The following CHMP3 variants were observed in gnomAD, a reference collection of about 807,000 sequenced individuals.
CHMP3 encodes charged multivesicular body protein 3.
A neutral mutation model predicts 27.4 loss-of-function variants in CHMP3; 8 were observed. That is an observed-to-expected ratio of 0.29 (90% CI 0.17 to 0.53). The LOEUF is 0.53. Ranked by LOEUF, CHMP3 falls within the 20% of genes least tolerant of loss-of-function variation. The pLI is 0.96. For missense variants in CHMP3, 208 were observed against 271.5 expected (o/e 0.77, Z 1.64); for synonymous variants, 86 against 85.5 (o/e 1.01, Z -0.03).
At chr2:86,557,665 TC>T (rs532498208) in intron 1 of CHMP3, among the ~76,000 whole-genome samples, 3 of 152,312 alleles carry the variant, frequency 2.0e-5, no homozygotes, top group South Asian at 2.1e-4. Context: ...CATATTCAGT[TC>T]ACTTTGCTAG....
chr2:86,562,018 T>A (rs1302121246), intron 1 of CHMP3: 1 of 152,232 alleles, frequency 6.6e-6, no homozygotes, highest in African/African-American at 2.4e-5. Context: ...ATCTATATAA[T>A]GTTCTATAGT....
intron 1 of CHMP3, among the ~76,000 whole-genome samples, chr2:86,554,814 C>CGTGTGTGT (rs769149856): frequency 0.31 from 42,828 of 137,396 alleles, 7,770 homozygotes; most frequent in East Asian, 0.55. Context: ...TGTGTGTGCG[C>CGTGTGTGT]GCGTGTGTGT....
chr2:86,549,768 T>C (rs1218666266), intron 1 of CHMP3, among the ~76,000 whole-genome samples: 1 of 144,740 alleles, frequency 6.9e-6, no homozygotes, highest in African/African-American at 2.6e-5. Flanking sequence ...GCAGAGGCGC[T>C]CCTCGCCTCC....
In CHMP3 at chr2:86,504,334, G is replaced by T. The variant is rs549992654; in HGVS notation, c.*1470C>A. 6.6e-6 allele frequency: 1 copy of T among 152,056 alleles called. No individual in the cohort carries two copies. Among genetic ancestry groups the T allele is most frequent in the African/African-American group, 2.4e-5 (1 of 41,476 alleles). The allele number at this position is 152,056 out of a possible 1,614,324, so 9.4% of individuals were successfully genotyped here. A position where few individuals can be genotyped will look rare whatever the true frequency, so the allele number is the denominator to read the frequency against. ...TGTGGGATACTGATAGTGGTGGGAGGCTATGCATGTGTGAGGGCAGGGGAT... is the reference window on the plus strand; with the variant it reads ...TGTGGGATACTGATAGTGGTGGGAGTCTATGCATGTGTGAGGGCAGGGGAT... On this transcript the variant is annotated 3_prime_UTR_variant, in exon 6 of 6. Coordinates refer to ENST00000263856, the MANE Select transcript of CHMP3 (RefSeq NM_016079.4).
intron 2 of CHMP3, among the ~76,000 whole-genome samples, chr2:86,533,235 A>C (rs1303361847): frequency 7.2e-5 from 11 of 152,198 alleles, no homozygotes; most frequent in Admixed American, 7.2e-4. Flanking sequence ...GTATTCTTAT[A>C]ATCTTTATTT....
At chr2:86,542,987 T>G (rs564758341) in intron 1 of CHMP3, 2 of 152,372 alleles carry the variant, frequency 1.3e-5, no homozygotes, top group East Asian at 3.9e-4. Flanking sequence ...TCATTAAAAG[T>G]CAATTTTATG....
intron 3 of CHMP3, chr2:86,510,694 A>G: frequency 1.7e-6 from 1 of 595,350 alleles, no homozygotes; most frequent in Non-Finnish European, 2.8e-6. Context: ...TTCAATGAGC[A>G]TGCACACCAC....
chr2:86,523,167 T>C (rs1321384412), intron 3 of CHMP3, among the ~76,000 whole-genome samples: 2 of 152,196 alleles, frequency 1.3e-5, no homozygotes, highest in Non-Finnish European at 2.9e-5. Flanking sequence ...ACTTGCTCGG[T>C]ACCCAACCTC....
At chr2:86,562,957 G>A (rs1035739611) in intron 1 of CHMP3, 1 of 223,608 alleles carries the variant, frequency 4.5e-6, no homozygotes, top group African/African-American at 2.3e-5. Context: ...TGGAGGGGTG[G>A]GGCCTACGCT....
intron 3 of CHMP3, among the ~76,000 whole-genome samples, chr2:86,514,033 A>G (rs932757683): frequency 1.3e-5 from 2 of 152,260 alleles, no homozygotes; most frequent in Non-Finnish European, 2.9e-5. Context: ...ACATACAAAT[A>G]TAAAGTGCTA....
At chr2:86,513,760 T>C (rs1573241579) in intron 3 of CHMP3, among the ~76,000 whole-genome samples, 1 of 152,238 alleles carries the variant, frequency 6.6e-6, no homozygotes, top group Non-Finnish European at 1.5e-5. Context: ...ATTTGTATCA[T>C]GAGACTGAAA....
rs1573319363 is a variant in CHMP3, at chr2:86,563,200, G to T, written c.45+104C>A. 68 of 1,374,314 alleles carry T rather than the reference G, an allele frequency of 4.9e-5. 4 individuals are homozygous for T. The South Asian group carries it at 8.8e-4, about 18-fold the overall frequency. 85.1% of individuals were successfully genotyped at this position (1,374,314 alleles called of 1,614,324 possible). On this transcript the variant is annotated intron_variant, in intron 1 of 5. Coordinates refer to ENST00000263856, the MANE Select transcript of CHMP3 (RefSeq NM_016079.4). ...GGGAGTCCCCGGAAATGGGGGCCGGGCGGTATCGGGCAGGCGGTGGGGAGA... is the reference window on the plus strand; with the variant it reads ...GGGAGTCCCCGGAAATGGGGGCCGGTCGGTATCGGGCAGGCGGTGGGGAGA...
At chr2:86,516,724 CTTGAG>C (rs983362377) in intron 3 of CHMP3, among the ~76,000 whole-genome samples, 3 of 152,168 alleles carry the variant, frequency 2.0e-5, no homozygotes, top group Non-Finnish European at 4.4e-5. Context: ...CATGTAAACA[CTTGAG>C]TTAATTTCCA....
chr2:86,551,098 T>G (rs1394998204), intron 1 of CHMP3, among the ~76,000 whole-genome samples: 2 of 152,174 alleles, frequency 1.3e-5, no homozygotes. Flanking sequence ...AACATATAGC[T>G]TAAGTGTCCT....
At chr2:86,528,099 A>T (rs1675785488) in intron 3 of CHMP3, among the ~76,000 whole-genome samples, 1 of 152,198 alleles carries the variant, frequency 6.6e-6, no homozygotes, top group Admixed American at 6.5e-5. Context: ...AAAGAAACTA[A>T]TGATACATTC....
chr2:86,539,254 C>G (rs1041855043), intron 2 of CHMP3, among the ~76,000 whole-genome samples: 2 of 152,100 alleles, frequency 1.3e-5, no homozygotes, highest in African/African-American at 4.8e-5. Context: ...GCCCCATCCC[C>G]TTTTTTGGTA....
intron 2 of CHMP3, among the ~76,000 whole-genome samples, chr2:86,531,063 C>T (rs1186788967): frequency 6.6e-6 from 1 of 152,150 alleles, no homozygotes; most frequent in East Asian, 1.9e-4. Flanking sequence ...TCTGTATATA[C>T]TCTGAATACA....
Position 86,563,225 on chromosome 2 carries a change from A to G in CHMP3, c.45+79T>C, listed in dbSNP as rs1296401764. ...GCGGTATCGGGCAGGCGGTGGGGAG[A>G]AGAGTGTCCTGTCATTTACCAACTT... On this transcript the variant is annotated intron_variant, in intron 1 of 5. Transcript: ENST00000263856. 7.2e-6 allele frequency: 11 copies of G among 1,535,274 alleles called. 1 individual carries two copies. The highest frequency in any genetic ancestry group is 1.7e-4 in the Middle Eastern group (1 of 5,798).
intron 2 of CHMP3, among the ~76,000 whole-genome samples, chr2:86,535,180 C>G (rs1676078599): frequency 6.7e-6 from 1 of 149,920 alleles, no homozygotes; most frequent in African/African-American, 2.5e-5. Flanking sequence ...TGCTAGAGCC[C>G]AGGAGGTCGA....
Sources: allele counts gnomAD v4.1 joint callset (sites outside exome capture counted in the v4.1 genomes callset), GRCh38; gene constraint gnomAD v4.1.1; transcripts MANE v1.5; gene names NCBI Gene and HGNC (gene_info 2026-07-23, HGNC 2026-07-21).